Variants in KPNA7 observed in about 807,000 individuals in gnomAD.
The protein encoded by KPNA7 is karyopherin subunit alpha 7.
A neutral mutation model predicts 53.7 loss-of-function variants in KPNA7; 54 were observed. The ratio of observed to expected loss-of-function variants is 1.01; its 90% CI spans 0.81 to 1.26. KPNA7 has a LOEUF of 1.26. Among genes scored for constraint, KPNA7 ranks in the 50% most tolerant of loss-of-function variants. The pLI, the probability that KPNA7 is intolerant of heterozygous loss-of-function variation, is 0.00. For synonymous variants in KPNA7, 276 were observed against 259.3 expected (o/e 1.06, Z -0.62); for missense variants, 640 against 644.5 (o/e 0.99, Z 0.07).
chr7:99,174,538 T>A (rs1356272403), intron 10 of KPNA7, among the ~76,000 whole-genome samples: 1 of 152,148 alleles, frequency 6.6e-6, no homozygotes, highest in Non-Finnish European at 1.5e-5. Context: ...TCACTCCTCA[T>A]TCCCTCCTCC....
the KPNA7 span, among the ~76,000 whole-genome samples, chr7:99,167,412 T>A: frequency 6.6e-6 from 1 of 152,058 alleles, no homozygotes; most frequent in Non-Finnish European, 1.5e-5. Context: ...TAGATTCCCA[T>A]AGGAGAGAGA....
chr7:99,202,725 G>A (rs551972107), intron 3 of KPNA7, among the ~76,000 whole-genome samples: 1 of 152,088 alleles, frequency 6.6e-6, no homozygotes, highest in African/African-American at 2.4e-5. Context: ...AGTGCCTGTA[G>A]TCCCACATAC....
rs1221397347 is a variant in KPNA7, at chr7:99,173,802, A to G, written c.1465-8T>C. 2 of 1,499,394 alleles carry G rather than the reference A, an allele frequency of 1.3e-6. No individual in the cohort carries two copies. Among genetic ancestry groups the G allele is most frequent in the South Asian group, 1.2e-5 (1 of 82,800 alleles). 92.9% of individuals were successfully genotyped at this position (1,499,394 alleles called of 1,614,324 possible). On this transcript the variant is annotated splice_region_variant and splice_polypyrimidine_tract_variant and intron_variant, in intron 10 of 10. Coordinates refer to ENST00000327442, the MANE Select transcript of KPNA7 (RefSeq NM_001145715.3). ...TTGGCTCTCATCTTCTTCCTTCAGGAGAGAATAGACACTGTTATACCTCCA... is the reference window on the plus strand; with the variant it reads ...TTGGCTCTCATCTTCTTCCTTCAGGGGAGAATAGACACTGTTATACCTCCA...
the KPNA7 span, among the ~76,000 whole-genome samples, chr7:99,163,381 A>ATTTT: frequency 0.012 from 731 of 58,652 alleles, 14 homozygotes; most frequent in Middle Eastern, 0.027. Context: ...ATATATATAT[A>ATTTT]TATTTTTTTT....
chr7:99,214,952 A>G (rs1344143855), intron 1 of KPNA7, among the ~76,000 whole-genome samples: 2 of 152,124 alleles, frequency 1.3e-5, no homozygotes, highest in Non-Finnish European at 2.9e-5. Flanking sequence ...GAGACTGAGC[A>G]TGCATGAGGA....
At chr7:99,148,761 A>G in the KPNA7 span, among the ~76,000 whole-genome samples, 9 of 151,996 alleles carry the variant, frequency 5.9e-5, 1 homozygote. Flanking sequence ...ATACCTGGCT[A>G]AATTTTTTTA....
At chr7:99,216,782 G>A (rs966732770) in intron 1 of KPNA7, among the ~76,000 whole-genome samples, 2 of 151,984 alleles carry the variant, frequency 1.3e-5, no homozygotes, top group African/African-American at 2.4e-5. Flanking sequence ...GGCTGGTCTC[G>A]AACTCCTGAC....
chr7:99,175,989 G>T (rs1026075247), intron 10 of KPNA7, among the ~76,000 whole-genome samples: 1 of 152,084 alleles, frequency 6.6e-6, no homozygotes, highest in African/African-American at 2.4e-5. Flanking sequence ...ATAAATGTGA[G>T]GTTGCCTTCC....
At chr7:99,148,802 G>A in the KPNA7 span, among the ~76,000 whole-genome samples, 6 of 149,790 alleles carry the variant, frequency 4.0e-5, no homozygotes, top group Admixed American at 1.3e-4. Context: ...TCACTCTGTC[G>A]GCCAGGCTAG....
intron 3 of KPNA7, among the ~76,000 whole-genome samples, chr7:99,201,662 C>CAAAAAAAA (rs111393769): frequency 4.6e-4 from 57 of 122,920 alleles, no homozygotes; most frequent in South Asian, 1.4e-3. Flanking sequence ...GACTCTGTCT[C>CAAAAAAAA]AAAAAAAAAA....
At chr7:99,191,925 C>G (rs959675792) in intron 6 of KPNA7, among the ~76,000 whole-genome samples, 5 of 152,178 alleles carry the variant, frequency 3.3e-5, no homozygotes, top group South Asian at 2.1e-4. Context: ...GTTGGGATTA[C>G]AGGTGTGAGC....
intron 3 of KPNA7, among the ~76,000 whole-genome samples, chr7:99,198,997 C>T (rs1044344378): frequency 2.0e-4 from 16 of 81,434 alleles, no homozygotes; most frequent in Non-Finnish European, 3.7e-4. Flanking sequence ...TAATTTACAA[C>T]ATAAAAAGAA....
At chr7:99,147,027 C>G in the KPNA7 span, among the ~76,000 whole-genome samples, 7 of 152,046 alleles carry the variant, frequency 4.6e-5, no homozygotes, top group East Asian at 1.2e-3. Flanking sequence ...CTAGATATAC[C>G]CAATAGTATC....
At chr7:99,163,383 A>ATTTTTTTTTTTTTT in the KPNA7 span, among the ~76,000 whole-genome samples, 2 of 40,804 alleles carry the variant, frequency 4.9e-5, no homozygotes, top group Non-Finnish European at 8.4e-5. Context: ...ATATATATAT[A>ATTTTTTTTTTTTTT]TTTTTTTTTT....
intron 3 of KPNA7, among the ~76,000 whole-genome samples, chr7:99,201,268 C>T (rs1408651195): frequency 2.0e-5 from 3 of 152,120 alleles, no homozygotes; most frequent in Non-Finnish European, 4.4e-5. Flanking sequence ...CTGGAATTAG[C>T]TAGTGGCAAT....
rs547932388 is a variant in KPNA7 at position 99,214,916 on chromosome 7, C to T, written c.-23-7427G>A. 2.6e-3 allele frequency among the ~76,000 whole-genome samples: 389 copies of T among 152,152 alleles called. 1 individual carries two copies. The highest frequency in any genetic ancestry group is 8.7e-3 in the African/African-American group (361 of 41,550). ...CCTTGTTGCTACGCTTCACATGTTG[C>T]CAATGGCACAATTATCTCAGTTAAT... On this transcript the variant is annotated intron_variant, in intron 1 of 10. Coordinates refer to the KPNA7 transcript ENST00000681060.
At chr7:99,209,198 TATAAATCAGGC>T (rs544532832), upstream of KPNA7, among the ~76,000 whole-genome samples, 30 of 151,962 alleles carry the variant, frequency 2.0e-4, no homozygotes, top group South Asian at 5.2e-3. Flanking sequence ...TCTGAGGAGT[TATAAATCAGGC>T]ATATGTACAG....
chr7:99,213,354 T>C (rs1022631622), intron 1 of KPNA7, among the ~76,000 whole-genome samples: 2 of 145,590 alleles, frequency 1.4e-5, no homozygotes, highest in African/African-American at 5.1e-5. Context: ...GGTCTCAAAC[T>C]CTTGACCTCA....
chr7:99,150,863 C>G, the KPNA7 span, among the ~76,000 whole-genome samples: 4 of 152,168 alleles, frequency 2.6e-5, no homozygotes, highest in Admixed American at 2.6e-4. Context: ...CCCTATGCAT[C>G]TGCAGAGTAT....
Sources: allele counts gnomAD v4.1 joint callset (sites outside exome capture counted in the v4.1 genomes callset), GRCh38; gene constraint gnomAD v4.1.1; transcripts MANE v1.5; gene names NCBI Gene and HGNC (gene_info 2026-07-23, HGNC 2026-07-21).